PARD3: variants seen among roughly 807,000 people sequenced by gnomAD.
PARD3 encodes partitioning defective 3 homolog.
In PARD3, 75 loss-of-function variants were observed where a neutral mutation model predicts 155.4. The observed-to-expected ratio is 0.48, with a 90% CI of 0.40 to 0.58. PARD3 has a LOEUF of 0.58. Among genes scored for constraint, PARD3 ranks in the 20% least tolerant of loss-of-function variants. The pLI is 0.00. For missense variants in PARD3, 1,642 were observed against 1,721.7 expected, an observed-to-expected ratio of 0.95 and a Z score of 0.82; for synonymous variants, 576 against 610.5, an observed-to-expected ratio of 0.94 and a Z score of 0.83.
At chr10:34,232,987 C>T (rs1390931763) in intron 22 of PARD3, among the ~76,000 whole-genome samples, 1 of 151,680 alleles carries the variant, frequency 6.6e-6, no homozygotes, top group Non-Finnish European at 1.5e-5. Context: ...CAGGCCTGAG[C>T]CACCGTGCCC....
At chr10:34,125,646 G>A (rs1947248663) in intron 23 of PARD3, among the ~76,000 whole-genome samples, 1 of 152,224 alleles carries the variant, frequency 6.6e-6, no homozygotes, top group Non-Finnish European at 1.5e-5. Context: ...TAAGAGGGCA[G>A]GGAGAGCTAT....
chr10:34,546,368 T>C (rs1463392297), intron 2 of PARD3, among the ~76,000 whole-genome samples: 3 of 151,902 alleles, frequency 2.0e-5, no homozygotes, highest in South Asian at 4.2e-4. Context: ...ATACAAAAAA[T>C]TAGCCGGGCA....
At chr10:34,344,263 T>C (rs1384994201) in intron 15 of PARD3, 1 of 960,292 alleles carries the variant, frequency 1.0e-6, no homozygotes, top group Non-Finnish European at 1.2e-6. Context: ...GGTTTTTTTG[T>C]TTGTTTGTTT....
intron 2 of PARD3, among the ~76,000 whole-genome samples, chr10:34,629,087 T>C (rs944240296): frequency 3.9e-5 from 6 of 152,180 alleles, no homozygotes; most frequent in African/African-American, 4.8e-5. Context: ...TGCAGAGTTA[T>C]GAGGTGAGAA....
intron 23 of PARD3, among the ~76,000 whole-genome samples, chr10:34,128,151 C>T (rs1204872530): frequency 6.6e-6 from 1 of 152,096 alleles, no homozygotes; most frequent in Non-Finnish European, 1.5e-5. Flanking sequence ...TGCCAGTTGC[C>T]CCATCTTCCT....
In PARD3 at chr10:34,503,711, G is replaced by C. The variant is rs546194265; in HGVS notation, c.403+13268C>G. 3.3e-5 allele frequency among the ~76,000 whole-genome samples: 5 copies of C among 152,356 alleles called. No homozygotes were observed. In the East Asian group the frequency reaches 7.7e-4, roughly 24 times the overall value. On this transcript the variant is annotated intron_variant, in intron 3 of 24. Coordinates refer to ENST00000374788, the MANE Select transcript of PARD3 (RefSeq NM_001184785.2). ...TTCCTCTGTGAGGAGGAGTGGGAAA[G>C]TGACTTATAGCGGCTGTTTAATCCC...
At chr10:34,586,764 T>C (rs2088097859) in intron 2 of PARD3, among the ~76,000 whole-genome samples, 2 of 152,100 alleles carry the variant, frequency 1.3e-5, no homozygotes, top group Admixed American at 6.6e-5. Context: ...CCCTCCAGCC[T>C]GGGCAGAGAA....
In PARD3 at chr10:34,725,103, CTTTG is replaced by C. The variant is rs1456829318; in HGVS notation, c.121-28688_121-28685del. ...GTTAAAAGGATTGAATGAGTCAAAA[CTTTG>C]TGTGTGTGTGTGTGTGTGTGTGTGT... On this transcript the variant is annotated intron_variant, in intron 1 of 24. Transcript: ENST00000374788. Among the ~76,000 whole-genome samples, 335 of 109,616 alleles carry C rather than the reference CTTTG, an allele frequency of 3.1e-3. 4 individuals carry two copies. The highest frequency in any genetic ancestry group is 0.012 in the African/African-American group (315 of 26,802). The allele number at this position is 109,616 out of a possible 152,430, so 71.9% of individuals were successfully genotyped here. A position where few individuals can be genotyped will look rare whatever the true frequency, so the allele number is the denominator to read the frequency against.
intron 22 of PARD3, among the ~76,000 whole-genome samples, chr10:34,224,749 G>A (rs754827522): frequency 1.3e-5 from 2 of 152,176 alleles, no homozygotes; most frequent in Admixed American, 1.3e-4. Flanking sequence ...AACTGGTCGC[G>A]TGTCTGCTGT....
Position 34,339,922 on chromosome 10 carries a change from C to T in PARD3, c.2408+1705G>A, listed in dbSNP as rs569114027. 2.0e-5 allele frequency among the ~76,000 whole-genome samples: 3 copies of T among 152,312 alleles called. No individual in the cohort carries two copies. In the South Asian group the frequency reaches 6.2e-4, roughly 32 times the overall value. The stretch of plus-strand genomic sequence containing the variant: ...ATTCTTTAAAGAATGTAACCATATC[C>T]TGACCCCTAATGTTATTAAAATTCC... On this transcript the variant is annotated intron_variant, in intron 16 of 24. Transcript: ENST00000374788.
At chr10:34,120,880 A>C (rs2132688895) in intron 23 of PARD3, among the ~76,000 whole-genome samples, 1 of 152,204 alleles carries the variant, frequency 6.6e-6, no homozygotes, top group South Asian at 2.1e-4. Context: ...CCACAGTGAG[A>C]CCCTGTCTCC....
intron 3 of PARD3, among the ~76,000 whole-genome samples, chr10:34,497,331 T>C (rs111754484): frequency 0.012 from 1,777 of 152,320 alleles, 31 homozygotes; most frequent in African/African-American, 0.038. Flanking sequence ...TTACATTGTG[T>C]TAGGCCTTAT....
chr10:34,732,925 C>T (rs953198907), intron 1 of PARD3, among the ~76,000 whole-genome samples: 3 of 152,134 alleles, frequency 2.0e-5, no homozygotes, highest in African/African-American at 7.2e-5. Flanking sequence ...ACATGAGGGA[C>T]AGCCATCGGG....
At chr10:34,581,544 A>G (rs888989314) in intron 2 of PARD3, among the ~76,000 whole-genome samples, 3 of 151,932 alleles carry the variant, frequency 2.0e-5, no homozygotes, top group African/African-American at 7.2e-5. Context: ...TATTTAGGTT[A>G]TTTTTCAAAG....
chr10:34,140,819 T>C (rs539467337), intron 22 of PARD3, among the ~76,000 whole-genome samples: 1 of 152,308 alleles, frequency 6.6e-6, no homozygotes, highest in East Asian at 1.9e-4. Context: ...GGTTGTGAAG[T>C]AGGAATGTGG....
rs765941544 is a variant in PARD3 at position 34,111,538 on chromosome 10, C to T, written c.3693G>A (p.Ser1231=). 2.2e-5 allele frequency: 35 copies of T among 1,596,204 alleles called. No individual in the cohort carries two copies. The highest frequency in any genetic ancestry group is 6.7e-5 in the South Asian group (6 of 89,972). The part of the protein sequence containing the change: ...LPRQSRKNAS[S]VSQDSWEQNY... ...TCTGCTCCCAAGAGTCCTGGGAGAC[C>T]GAGCTGGCATTTTTCCTGCTTTGCC... The change falls in exon 25 of 25, where the codon TCG becomes TCA. Residue 1231 remains serine (S), a synonymous_variant. Transcript: ENST00000374788.
chr10:34,452,241 A>G (rs1430012600), intron 4 of PARD3, among the ~76,000 whole-genome samples: 2 of 152,204 alleles, frequency 1.3e-5, no homozygotes, highest in African/African-American at 4.8e-5. Context: ...ACCCAAAAGT[A>G]TTTTTAAAAA....
chr10:34,414,799 G>A (rs138538243), intron 5 of PARD3, among the ~76,000 whole-genome samples: 61 of 151,838 alleles, frequency 4.0e-4, no homozygotes, highest in African/African-American at 1.4e-3. Context: ...AATATCACAT[G>A]TATAAGTATT....
At chr10:34,126,928 C>T (rs902188561) in intron 23 of PARD3, among the ~76,000 whole-genome samples, 9 of 152,026 alleles carry the variant, frequency 5.9e-5, no homozygotes, top group African/African-American at 1.4e-4. Context: ...CACTCATTAC[C>T]GGAAATGCTA....
Sources: allele counts gnomAD v4.1 joint callset (sites outside exome capture counted in the v4.1 genomes callset), GRCh38; gene constraint gnomAD v4.1.1; transcripts MANE v1.5; gene names NCBI Gene and HGNC (gene_info 2026-07-23, HGNC 2026-07-21).